Variants in ITGAE observed in about 807,000 individuals in gnomAD.
The protein encoded by ITGAE is integrin subunit alpha E.
Under a neutral mutation model 136.5 loss-of-function variants are expected in ITGAE, and 99 were observed. The observed-to-expected ratio is 0.73, with a 90% CI of 0.62 to 0.86. The LOEUF (loss-of-function observed/expected upper bound fraction) is 0.86, where lower values mean the gene tolerates loss of function less well. Ranked by LOEUF, ITGAE falls within the 40% of genes least tolerant of loss-of-function variation. ITGAE has a pLI of 0.00. For synonymous variants in ITGAE, 613 were observed against 591.8 expected, an observed-to-expected ratio of 1.04 and a Z score of -0.52; for missense variants, 1,447 against 1,515.3, an observed-to-expected ratio of 0.95 and a Z score of 0.75.
chr17:3,715,840 G>A (rs947135043), intron 30 of ITGAE, among the ~76,000 whole-genome samples: 2 of 151,912 alleles, frequency 1.3e-5, no homozygotes, highest in South Asian at 4.2e-4. Flanking sequence ...TCCAGCTTGG[G>A]GGACAAAGAC....
chr17:3,788,254 T>A (rs1033386346), intron 1 of ITGAE, among the ~76,000 whole-genome samples: 3 of 151,428 alleles, frequency 2.0e-5, no homozygotes, highest in Non-Finnish European at 4.4e-5. Flanking sequence ...TCAAAAAAAA[T>A]TTTTTTAGCC....
intron 18 of ITGAE, among the ~76,000 whole-genome samples, chr17:3,745,483 A>C (rs2051688964): frequency 6.6e-6 from 1 of 152,076 alleles, no homozygotes; most frequent in Non-Finnish European, 1.5e-5. Context: ...CTGGGATTAC[A>C]GGCACCCGCC....
At chr17:3,761,731 C>T (rs575921471) in intron 4 of ITGAE, among the ~76,000 whole-genome samples, 184 bp downstream of exon 4, 2 of 152,314 alleles carry the variant, frequency 1.3e-5, no homozygotes, top group South Asian at 2.1e-4. Flanking sequence ...ACAGGGAATA[C>T]CTAGGTCAGC....
chr17:3,766,854 T>G (rs932042245), intron 2 of ITGAE, among the ~76,000 whole-genome samples: 3 of 150,274 alleles, frequency 2.0e-5, no homozygotes, highest in African/African-American at 7.3e-5. Flanking sequence ...AATAAACCTG[T>G]GTTGTTGTAA....
intron 15 of ITGAE, among the ~76,000 whole-genome samples, chr17:3,750,924 G>C (rs1021559938): frequency 2.0e-5 from 3 of 152,070 alleles, no homozygotes; most frequent in African/African-American, 7.2e-5. Flanking sequence ...GAAGCTGGGT[G>C]GGCTGGGAGT....
intron 17 of ITGAE, among the ~76,000 whole-genome samples, chr17:3,746,215 T>C (rs1037551526): frequency 3.3e-5 from 5 of 151,936 alleles, no homozygotes; most frequent in African/African-American, 1.2e-4. Flanking sequence ...GGATCGAGAT[T>C]GAAGAAGAAA....
At chr17:3,741,586 T>C (rs1300394780) in intron 19 of ITGAE, among the ~76,000 whole-genome samples, 2 of 152,196 alleles carry the variant, frequency 1.3e-5, no homozygotes, top group East Asian at 1.9e-4. Context: ...CATAGCATAA[T>C]AGTCATCACT....
chr17:3,764,944 C>T (rs1187459042), intron 2 of ITGAE, among the ~76,000 whole-genome samples: 1 of 152,006 alleles, frequency 6.6e-6, no homozygotes, highest in African/African-American at 2.4e-5. Flanking sequence ...GGGGAGGGGA[C>T]GAGGGGCTTG....
chr17:3,753,547 T>C, intron 13 of ITGAE, 117 bp from the exon 14 acceptor site: 1 of 1,317,854 alleles, frequency 7.6e-7, no homozygotes, highest in South Asian at 1.4e-5. Flanking sequence ...ACATATCAAT[T>C]TGCTCACTGA....
At chr17:3,747,325 T>A (rs1420188638) in intron 17 of ITGAE, among the ~76,000 whole-genome samples, 1 of 151,956 alleles carries the variant, frequency 6.6e-6, no homozygotes, top group East Asian at 1.9e-4. Context: ...CTGAGTCTTT[T>A]TTTTTTTTCT....
chr17:3,735,650 C>G lies in ITGAE; in HGVS notation c.2523-701G>C, dbSNP rs1056924382. Among the ~76,000 whole-genome samples, 3 of 152,120 alleles carry G rather than the reference C, an allele frequency of 2.0e-5. No individual in the cohort carries two copies. In the South Asian group the frequency reaches 6.2e-4, roughly 32 times the overall value. On this transcript the variant is annotated intron_variant, in intron 20 of 30. Transcript: ENST00000263087. ...TTAAGTAACTTCTTAGATAAGTTGC[C>G]TAAGGAATACGTTTAGCTTAGACAT...
intron 2 of ITGAE, 95 bp downstream of exon 2, chr17:3,777,445 G>T: frequency 6.9e-7 from 1 of 1,448,068 alleles, no homozygotes; most frequent in South Asian, 1.3e-5. Flanking sequence ...CTGACGGTGG[G>T]GTGGGGTGGG....
intron 20 of ITGAE, among the ~76,000 whole-genome samples, chr17:3,737,352 GT>G (rs1480833401): frequency 6.6e-6 from 1 of 151,978 alleles, no homozygotes; most frequent in Non-Finnish European, 1.5e-5. Context: ...GTCAGAGACA[GT>G]AAAGCAAATG....
intron 2 of ITGAE, among the ~76,000 whole-genome samples, chr17:3,772,467 C>CTTTT (rs72134638): frequency 2.2e-5 from 3 of 137,434 alleles, no homozygotes; most frequent in African/African-American, 5.5e-5. Context: ...GGTGAGCAGA[C>CTTTT]TTTTTTTTTT....
chr17:3,780,429 C>T (rs1045524311), intron 1 of ITGAE, among the ~76,000 whole-genome samples: 1 of 151,988 alleles, frequency 6.6e-6, no homozygotes, highest in African/African-American at 2.4e-5. Context: ...TCCCAAAGTG[C>T]TGGGATTACA....
rs1277516545 is a variant in ITGAE, at chr17:3,761,043, C to T, written c.568G>A (p.Glu190Lys). 6.2e-6 allele frequency: 10 copies of T among 1,605,012 alleles called. No homozygotes were observed. The highest frequency in any genetic ancestry group is 7.6e-6 in the Non-Finnish European group (9 of 1,178,676). ...TCCTCCTCCTCCTCGTCTTCCTCCT[C>T]CTCCTTGTCTTCCTCCTCCTCCTTC... ...LEKEEEEDKE[E>K]EEDEEEEEAG... Residue 190 changes from glutamate (E) to lysine (K), a missense_variant, in exon 6 of 31, where the codon GAG becomes AAG. Glu to Lys is a moderately conservative substitution (Grantham distance 56). Coordinates refer to ENST00000263087, the MANE Select transcript of ITGAE (RefSeq NM_002208.5).
intron 18 of ITGAE, 74 bp from the exon 19 acceptor site, chr17:3,743,691 CTTTTTCTTTTTTTCT>C: frequency 4.1e-6 from 5 of 1,226,800 alleles, no homozygotes; most frequent in Non-Finnish European, 5.4e-6. Flanking sequence ...TGCTTTTTTT[CTTTTTCTTTTTTTCT>C]TTTTTTTTTT....
In ITGAE at chr17:3,742,524, G is replaced by A. The variant is rs111781044; in HGVS notation, c.2448+965C>T. ...GGCTGGAGTGCAGTGGCACGATCTC[G>A]GTTCACTGCAACCACTGTCTCCCGG... On this transcript the variant is annotated intron_variant, in intron 19 of 30. Transcript: ENST00000263087. 6.7e-5 allele frequency among the ~76,000 whole-genome samples: 10 copies of A among 148,908 alleles called. 1 individual carries two copies. Among genetic ancestry groups the A allele is most frequent in the East Asian group, 2.0e-4 (1 of 5,072 alleles).
At position 3,745,841 on chromosome 17, in the gene ITGAE, AG is replaced by A. The variant is rs1208062453; in HGVS notation, c.2241del (p.Cys748ValfsTer5). Reference sequence around the variant, plus strand: ...CTCCACTCCCTCAGGCAGCCCAGACAGCTTCTTACGTCTGAACACTGCAGCC... The same window carrying A: ...CTCCACTCCCTCAGGCAGCCCAGACACTTCTTACGTCTGAACACTGCAGCC... ...RRRLQCSDVRSCLGCLREWSS... is the reference protein window; with the variant it reads ...RRRLQCSDVRXCLGCLREWSS... On this transcript the variant is annotated frameshift_variant, in exon 18 of 31. Coordinates refer to ENST00000263087, the MANE Select transcript of ITGAE (RefSeq NM_002208.5). LOFTEE classifies it high-confidence loss of function. 6.2e-7 allele frequency: 1 copy of A among 1,614,078 alleles called. No individual in the cohort carries two copies. The highest frequency in any genetic ancestry group is 2.2e-5 in the East Asian group (1 of 44,880).
Sources: gnomAD v4.1 joint callset for allele counts (sites outside exome capture counted in the v4.1 genomes callset) on GRCh38, gnomAD v4.1.1 for gene constraint, MANE v1.5 for transcripts, NCBI Gene and HGNC (gene_info 2026-07-23, HGNC 2026-07-21) for gene names.